The following ACSBG1 variants were observed in gnomAD, a reference collection of about 807,000 sequenced individuals.
The protein encoded by ACSBG1 is acyl-CoA synthetase bubblegum family member 1.
Under a neutral mutation model 80.2 loss-of-function variants are expected in ACSBG1, and 39 were observed. That is an observed-to-expected ratio of 0.49 (90% CI 0.38 to 0.64). The LOEUF is 0.64. Among genes scored for constraint, ACSBG1 ranks in the 30% least tolerant of loss-of-function variants. ACSBG1 has a pLI of 0.00. For synonymous variants in ACSBG1, 392 were observed against 379.5 expected, an observed-to-expected ratio of 1.03 and a Z score of -0.38; for missense variants, 828 against 966.4, an observed-to-expected ratio of 0.86 and a Z score of 1.90.
intron 2 of ACSBG1, among the ~76,000 whole-genome samples, chr15:78,199,567 T>C (rs772562865): frequency 7.9e-5 from 12 of 151,836 alleles, no homozygotes; most frequent in Non-Finnish European, 1.2e-4. Flanking sequence ...TCCAGGTGTG[T>C]GAAGTATGTA....
At chr15:78,171,573 G>T (rs762283233) in intron 13 of ACSBG1, 44 bp from the exon 14 acceptor site, 1 of 1,507,112 alleles carries the variant, frequency 6.6e-7, no homozygotes, top group South Asian at 1.1e-5. Context: ...CAGGCTCTGA[G>T]AACTCTGAGA....
At chr15:78,223,883 A>G (rs1388563939) in intron 1 of ACSBG1, among the ~76,000 whole-genome samples, 3 of 152,222 alleles carry the variant, frequency 2.0e-5, no homozygotes, top group Non-Finnish European at 4.4e-5. Flanking sequence ...CAGAAGAGAA[A>G]CAACGTGACC....
At chr15:78,210,460 CAG>C (rs1184789988) in intron 1 of ACSBG1, among the ~76,000 whole-genome samples, 1 of 152,220 alleles carries the variant, frequency 6.6e-6, no homozygotes, top group Non-Finnish European at 1.5e-5. Context: ...CCTGCTCACA[CAG>C]AGTTATAACC....
At chr15:78,233,782 T>TA (rs1237715486) in intron 1 of ACSBG1, among the ~76,000 whole-genome samples, 1 of 152,248 alleles carries the variant, frequency 6.6e-6, no homozygotes, top group African/African-American at 2.4e-5. Context: ...CAGGATCCCC[T>TA]ACTCCCTGGA....
At position 78,179,678 on chromosome 15, in the gene ACSBG1, C is replaced by T. The variant is rs762504950; in HGVS notation, c.1356G>A (p.Ala452=). ...GCTGTGTCTCTGCCATCATGGGGGC[C>T]GCTCCATAGAAGTTCTTTTGACACT... ...FAKCQKNFYG[A]APMMAETQHF... is the part of the protein sequence containing the mutation. Residue 452 remains alanine (A), a synonymous_variant, in exon 10 of 14, where the codon GCG becomes GCA. Coordinates refer to ENST00000258873, the MANE Select transcript of ACSBG1 (RefSeq NM_015162.5). The T allele has an allele frequency of 2.7e-5, 43 of 1,614,014 alleles. No homozygotes were observed. Among genetic ancestry groups the T allele is most frequent in the Non-Finnish European group, 3.4e-5 (40 of 1,180,042 alleles).
intron 13 of ACSBG1, 23 bp from the exon 14 acceptor site, chr15:78,171,552 T>A (rs1381678208): frequency 6.3e-7 from 1 of 1,594,292 alleles, no homozygotes; most frequent in Admixed American, 1.7e-5. Flanking sequence ...TGAGAAGAAA[T>A]GAGTGAGGCC....
intron 8 of ACSBG1, 169 bp from the exon 9 acceptor site, chr15:78,181,105 T>C: frequency 1.3e-6 from 1 of 788,296 alleles, no homozygotes; most frequent in Non-Finnish European, 1.9e-6. Context: ...GTCGCCTTGC[T>C]TTTTGCTCAC....
intron 5 of ACSBG1, 109 bp from the exon 6 acceptor site, chr15:78,182,894 C>T (rs62009346): frequency 0.068 from 80,765 of 1,180,662 alleles, 3,427 homozygotes; most frequent in South Asian, 0.17. Flanking sequence ...CTGGGTGCCC[C>T]GTCTCTGACC....
Position 78,178,994 on chromosome 15 carries a change from C to A in ACSBG1, c.1485-163G>T. ...GGGGACTTACAGCTGAAAGGTAGAGCCAAGTAAAGGGTTTTAGGGAATGAA... is the reference window on the plus strand; with the variant it reads ...GGGGACTTACAGCTGAAAGGTAGAGACAAGTAAAGGGTTTTAGGGAATGAA... On this transcript the variant is annotated intron_variant, in intron 10 of 13. Transcript: ENST00000258873. The surrounding 1 kb of genome is among the most constrained non-coding windows in gnomAD (Gnocchi z 4.3). 6 of 662,388 alleles carry A rather than the reference C, an allele frequency of 9.1e-6. No individual in the cohort carries two copies. The highest frequency in any genetic ancestry group is 2.8e-5 in the East Asian group (1 of 36,182). 41.0% of individuals were successfully genotyped at this position (662,388 alleles called of 1,614,324 possible).
intron 2 of ACSBG1, among the ~76,000 whole-genome samples, chr15:78,201,470 C>T (rs777854663): frequency 5.9e-5 from 9 of 152,364 alleles, no homozygotes; most frequent in South Asian, 4.1e-4. Flanking sequence ...TCCCATCTTG[C>T]ACCCCTGAGA....
chr15:78,222,724 A>C (rs1567099675), intron 1 of ACSBG1, among the ~76,000 whole-genome samples: 1 of 152,128 alleles, frequency 6.6e-6, no homozygotes, highest in East Asian at 1.9e-4. Flanking sequence ...GGTGGGGAGG[A>C]CATATTACAT....
At chr15:78,208,781 G>A (rs1482138239) in intron 1 of ACSBG1, among the ~76,000 whole-genome samples, 1 of 152,152 alleles carries the variant, frequency 6.6e-6, no homozygotes, top group Non-Finnish European at 1.5e-5. Flanking sequence ...TGGCTAAAGG[G>A]TCTCCCCTTC....
At chr15:78,215,637 C>G (rs1398778338) in intron 1 of ACSBG1, among the ~76,000 whole-genome samples, 1 of 144,068 alleles carries the variant, frequency 6.9e-6, no homozygotes, top group Non-Finnish European at 1.5e-5. Flanking sequence ...GCCTGGGCAA[C>G]AAGAGCAAAA....
At chr15:78,231,449 CA>C (rs1362314168) in intron 1 of ACSBG1, among the ~76,000 whole-genome samples, 2 of 151,282 alleles carry the variant, frequency 1.3e-5, no homozygotes, top group African/African-American at 2.4e-5. Context: ...TTTTTTTAAG[CA>C]AATTTTTGTA....
At chr15:78,228,030 T>G (rs988931082) in intron 1 of ACSBG1, among the ~76,000 whole-genome samples, 21 of 152,182 alleles carry the variant, frequency 1.4e-4, no homozygotes, top group Admixed American at 6.5e-5. Flanking sequence ...GTAGCTGGGA[T>G]TATAGATGCA....
At chr15:78,202,727 T>C (rs1457142732) in intron 2 of ACSBG1, among the ~76,000 whole-genome samples, 1 of 152,246 alleles carries the variant, frequency 6.6e-6, no homozygotes, top group South Asian at 2.1e-4. Context: ...GGTACAGCTT[T>C]GTTGGGGGCA....
chr15:78,188,934 TA>T (rs2075031829), intron 5 of ACSBG1, among the ~76,000 whole-genome samples: 2 of 148,300 alleles, frequency 1.3e-5, no homozygotes, highest in South Asian at 4.3e-4. Context: ...GACAAAGGGC[TA>T]ATATCCAGAA....
chr15:78,231,747 C>T (rs567869625), intron 1 of ACSBG1, among the ~76,000 whole-genome samples: 1 of 152,114 alleles, frequency 6.6e-6, no homozygotes, highest in African/African-American at 2.4e-5. Flanking sequence ...CACTATCATG[C>T]CTGGCCAATT....
intron 10 of ACSBG1, among the ~76,000 whole-genome samples, chr15:78,179,141 C>T (rs191516826): frequency 8.5e-5 from 13 of 152,222 alleles, no homozygotes; most frequent in African/African-American, 3.1e-4. Flanking sequence ...AACTGACCGC[C>T]CTCACCGTCC....
Sources: allele counts gnomAD v4.1 joint callset (sites outside exome capture counted in the v4.1 genomes callset), GRCh38; gene constraint gnomAD v4.1.1; non-coding constraint Gnocchi (gnomAD v3.1); transcripts MANE v1.5; gene names NCBI Gene and HGNC (gene_info 2026-07-23, HGNC 2026-07-21).